DHRSX: variants seen among roughly 807,000 people sequenced by gnomAD.
DHRSX encodes the protein polyprenol dehydrogenase.
Under a neutral mutation model 34.0 loss-of-function variants are expected in DHRSX, and 31 were observed. That is an observed-to-expected ratio of 0.91 (90% CI 0.69 to 1.23). The LOEUF is 1.23. Ranked by LOEUF, DHRSX falls within the 50% of genes most tolerant of loss-of-function variation. The pLI is 0.00. For synonymous variants in DHRSX, 201 were observed against 183.8 expected (o/e 1.09, Z -0.76); for missense variants, 414 against 428.1 (o/e 0.97, Z 0.29).
intron 1 of DHRSX, among the ~76,000 whole-genome samples, chrX:2,497,609 G>A (rs190836497): frequency 3.9e-5 from 6 of 152,172 alleles, no homozygotes; most frequent in South Asian, 2.1e-4. Context: ...CAGCATTTAC[G>A]AATCCATTTT....
chrX:2,359,645 C>G (rs1185026835), intron 3 of DHRSX, among the ~76,000 whole-genome samples: 1 of 151,698 alleles, frequency 6.6e-6, no homozygotes, highest in Non-Finnish European at 1.5e-5. Flanking sequence ...GTACTGCACT[C>G]CAGCAGCCTG....
At chrX:2,374,476 C>A (rs369037874) in intron 3 of DHRSX, among the ~76,000 whole-genome samples, 1 of 150,076 alleles carries the variant, frequency 6.7e-6, no homozygotes, top group African/African-American at 2.4e-5. Flanking sequence ...CAGTGACTCA[C>A]GCCTGTAATC....
intron 3 of DHRSX, among the ~76,000 whole-genome samples, chrX:2,382,304 C>T (rs1194876699): frequency 6.6e-6 from 1 of 152,032 alleles, no homozygotes; most frequent in African/African-American, 2.4e-5. Flanking sequence ...AACCTACCCA[C>T]CAGAAGGAGG....
chrX:2,381,797 CAAAAAAA>C (rs767319246), intron 3 of DHRSX, among the ~76,000 whole-genome samples: 25 of 81,618 alleles, frequency 3.1e-4, no homozygotes, highest in African/African-American at 1.1e-3. Flanking sequence ...AAGCCACAAC[CAAAAAAA>C]AAAAAAAAAA....
intron 3 of DHRSX, among the ~76,000 whole-genome samples, chrX:2,374,360 A>G (rs963433107): frequency 6.6e-6 from 1 of 152,164 alleles, no homozygotes; most frequent in Admixed American, 6.6e-5. Flanking sequence ...GCACTTTGGG[A>G]GGCCGTGGTG....
intron 3 of DHRSX, among the ~76,000 whole-genome samples, chrX:2,338,370 T>C (rs1297803687): frequency 6.6e-6 from 1 of 151,262 alleles, no homozygotes; most frequent in Non-Finnish European, 1.5e-5. Flanking sequence ...GAAGTCACAC[T>C]CACAACCATT....
chrX:2,243,801 T>TTTTTTG (rs2016209890), intron 5 of DHRSX, among the ~76,000 whole-genome samples: 3 of 84,460 alleles, frequency 3.6e-5, no homozygotes, highest in Admixed American at 1.4e-4. Flanking sequence ...TTTTTTTTTT[T>TTTTTTG]TTTTTTTTTT....
chrX:2,490,515 TCTC>T, intron 1 of DHRSX: 1 of 1,613,942 alleles, frequency 6.2e-7, no homozygotes, highest in Non-Finnish European at 8.5e-7. Context: ...GGGTGGTTCT[TCTC>T]CAGGTGGTAG....
At chrX:2,493,823 G>C (rs2045217945) in intron 1 of DHRSX, among the ~76,000 whole-genome samples, 1 of 152,028 alleles carries the variant, frequency 6.6e-6, no homozygotes, top group African/African-American at 2.4e-5. Flanking sequence ...TACAAAATTA[G>C]CCGGGCGTGG....
At chrX:2,434,545 C>T (rs940792301) in intron 1 of DHRSX, among the ~76,000 whole-genome samples, 2 of 152,160 alleles carry the variant, frequency 1.3e-5, no homozygotes, top group African/African-American at 4.8e-5. Flanking sequence ...GTGATGCTCG[C>T]CTGTAGTCCC....
intron 3 of DHRSX, among the ~76,000 whole-genome samples, chrX:2,338,520 G>A (rs1411659225): frequency 6.6e-6 from 1 of 151,816 alleles, no homozygotes; most frequent in Non-Finnish European, 1.5e-5. Context: ...AGCAACGGAC[G>A]ATGGATTCTT....
At chrX:2,360,933 G>C (rs897813783) in intron 3 of DHRSX, among the ~76,000 whole-genome samples, 1 of 152,156 alleles carries the variant, frequency 6.6e-6, no homozygotes, top group Non-Finnish European at 1.5e-5. Flanking sequence ...TCAGAGGAAG[G>C]ATGGAGCTGG....
chrX:2,228,845 T>C (rs2015798608), intron 6 of DHRSX, among the ~76,000 whole-genome samples: 1 of 152,134 alleles, frequency 6.6e-6, no homozygotes, highest in African/African-American at 2.4e-5. Context: ...CACACTTAAC[T>C]TGTATTAGAC....
chrX:2,313,644 G>A (rs2042190871), intron 3 of DHRSX, among the ~76,000 whole-genome samples: 1 of 152,154 alleles, frequency 6.6e-6, no homozygotes, highest in South Asian at 2.1e-4. Flanking sequence ...TAGAATTACA[G>A]GCATGAGCCA....
chrX:2,408,699 A>C (rs1385681953), intron 3 of DHRSX, 46 bp downstream of exon 3: 1 of 1,436,850 alleles, frequency 7.0e-7, no homozygotes, highest in African/African-American at 1.4e-5. Flanking sequence ...ACCTGTCCCA[A>C]GGAAAAAAAA....
intron 1 of DHRSX, among the ~76,000 whole-genome samples, chrX:2,491,074 T>G (rs996854019): frequency 1.6e-4 from 20 of 125,014 alleles, no homozygotes; most frequent in African/African-American, 6.0e-4. Context: ...TAGTTTTTTT[T>G]TTTTTTTTTT....
At chrX:2,353,786 C>A (rs1468128928) in intron 3 of DHRSX, among the ~76,000 whole-genome samples, 2 of 151,760 alleles carry the variant, frequency 1.3e-5, no homozygotes, top group South Asian at 2.1e-4. Flanking sequence ...GGTCTCTCCA[C>A]GTTGGTCAGG....
intron 3 of DHRSX, among the ~76,000 whole-genome samples, chrX:2,359,562 C>G (rs939942876): frequency 1.3e-5 from 2 of 151,904 alleles, no homozygotes; most frequent in South Asian, 2.1e-4. Flanking sequence ...CACCTGTAAT[C>G]CCAGCTACTT....
chrX:2,495,210 ATAT>A (rs2045251302), intron 1 of DHRSX, among the ~76,000 whole-genome samples: 1 of 150,058 alleles, frequency 6.7e-6, no homozygotes, highest in Admixed American at 6.7e-5. Flanking sequence ...ATTATCATTA[ATAT>A]TATTATTATT....
Sources: gnomAD v4.1 joint callset for allele counts (sites outside exome capture counted in the v4.1 genomes callset) on GRCh38, gnomAD v4.1.1 for gene constraint, MANE v1.5 for transcripts, NCBI Gene and HGNC (gene_info 2026-07-23, HGNC 2026-07-21) for gene names.